The following SYCP2 variants were observed in gnomAD, a reference collection of about 807,000 sequenced individuals.
SYCP2 encodes the protein synaptonemal complex lateral element protein.
Under a neutral mutation model 211.3 loss-of-function variants are expected in SYCP2, and 55 were observed. That is an observed-to-expected ratio of 0.26 (90% confidence interval 0.21 to 0.33). The LOEUF (loss-of-function observed/expected upper bound fraction) is 0.33, where lower values mean the gene tolerates loss of function less well. SYCP2 is among the 10% of genes least tolerant of loss of function. The pLI is 1.00. For synonymous variants in SYCP2, 570 were observed against 555.2 expected (o/e 1.03, Z -0.37); for missense variants, 1,731 against 1,752.0 (o/e 0.99, Z 0.21).
chr20:59,922,459 C>T lies in SYCP2; in HGVS notation c.-46G>A. 7.3e-7 allele frequency: 1 copy of T among 1,367,510 alleles called. No homozygotes were observed. The highest frequency in any genetic ancestry group is 1.0e-6 in the Non-Finnish European group (1 of 992,294). 84.7% of individuals were successfully genotyped at this position (1,367,510 alleles called of 1,614,324 possible). On this transcript the variant is annotated splice_region_variant and 5_prime_UTR_variant, in exon 3 of 45. In the 5' UTR this introduces an upstream ATG that the reference lacks. Coordinates refer to ENST00000357552, the MANE Select transcript of SYCP2 (RefSeq NM_014258.4). Reference sequence around the variant, plus strand: ...AAAAAAAAGCAAGACAAAATAAACACCTATAAAAGAAAACATATATTTTCT... The same window carrying T: ...AAAAAAAAGCAAGACAAAATAAACATCTATAAAAGAAAACATATATTTTCT...
Position 59,868,472 on chromosome 20 carries a change from G to T in SYCP2, c.3929C>A (p.Ala1310Glu). 6.2e-7 allele frequency: 1 copy of T among 1,611,254 alleles called. No homozygotes were observed. Among genetic ancestry groups the T allele is most frequent in the South Asian group, 1.1e-5 (1 of 90,940 alleles). The change falls in exon 38 of 45, where the codon GCA becomes GAA. Residue 1310 changes from alanine (A) to glutamate (E), a missense_variant. By Grantham distance (107) the Ala-to-Glu change is moderately radical (BLOSUM62 -1). Around this residue, in one of 3 missense-constraint regions of SYCP2, gnomAD observed 1,387 missense variants for 1,351.3 expected, o/e 1.03. Transcript: ENST00000357552. ...ACACAGTTTTTTGGGAAGCAAGTTT[G>T]CTCTCCTTTCTCCTTTCTCTTCCAT... is the stretch of plus-strand genomic sequence containing the variant. Reference protein sequence around the residue: ...VEMEEKGERRANLLPKKLCKI... With the variant: ...VEMEEKGERRENLLPKKLCKI...
At chr20:59,880,934 T>C in intron 30 of SYCP2, 32 bp downstream of exon 30, 1 of 1,000,090 alleles carries the variant, frequency 1.0e-6, no homozygotes, top group South Asian at 1.8e-5. Context: ...AAATACTACT[T>C]CTAATAGACA....
intron 31 of SYCP2, among the ~76,000 whole-genome samples, chr20:59,879,846 TATATATATATATATATAC>T (rs1423443928): frequency 0.012 from 1,414 of 115,032 alleles, 12 homozygotes; most frequent in East Asian, 0.026. Context: ...TATATATATA[TATATATATATATATATAC>T]ACACACACAC....
Position 59,921,162 on chromosome 20 carries a change from T to C in SYCP2, c.168+148A>G, listed in dbSNP as rs928911276. ...GATTCCTCAAACAAACAAACAATAA[T>C]AAGCAAATGGTGAAATAAGCATTTA... is the stretch of plus-strand genomic sequence containing the variant. On this transcript the variant is annotated intron_variant, in intron 4 of 44. Transcript: ENST00000357552. 7 of 558,562 alleles carry C rather than the reference T, an allele frequency of 1.3e-5. No homozygotes were observed. In the African/African-American group the frequency reaches 1.4e-4, roughly 11 times the overall value. 34.6% of individuals were successfully genotyped at this position (558,562 alleles called of 1,614,324 possible).
rs78182350 is a variant in SYCP2 at position 59,919,590 on chromosome 20, G to A, written c.305C>T (p.Ala102Val). 3,838 of 1,598,012 alleles carry A rather than the reference G, an allele frequency of 2.4e-3. 65 individuals are homozygous for A. In the African/African-American group the frequency reaches 0.042, roughly 18 times the overall value. Reference sequence around the variant, plus strand: ...AATGTCCTTGGATTTTTCAAACCAGGCAACCATGTAAAAAAAGGAATGAAC... The same window carrying A: ...AATGTCCTTGGATTTTTCAAACCAGACAACCATGTAAAAAAAGGAATGAAC... Reference protein sequence around the residue: ...IKQGLIQKMVAWFEKSKDIIQ... With the variant: ...IKQGLIQKMVVWFEKSKDIIQ... Residue 102 changes from alanine (A) to valine (V), a missense_variant, in exon 6 of 45, where the codon GCC becomes GTC. Physicochemically the swap from Ala to Val is moderately conservative, Grantham distance 64. This residue lies in a region of SYCP2 where 335 missense variants were observed against 378.8 expected (regional missense o/e 0.88). Coordinates refer to ENST00000357552, the MANE Select transcript of SYCP2 (RefSeq NM_014258.4).
intron 10 of SYCP2, 37 bp from the exon 11 acceptor site, chr20:59,914,288 T>A: frequency 7.5e-7 from 1 of 1,325,398 alleles, no homozygotes; most frequent in Non-Finnish European, 1.0e-6. Context: ...TTTACAATTA[T>A]GAAAATTAAG....
chr20:59,871,899 G>A (rs567867926), intron 35 of SYCP2, among the ~76,000 whole-genome samples: 2 of 152,118 alleles, frequency 1.3e-5, no homozygotes, highest in South Asian at 4.1e-4. Context: ...ATCCACAGAT[G>A]TGGAACCCAC....
At chr20:59,927,577 GAAGA>G (rs2060657044) in intron 2 of SYCP2, among the ~76,000 whole-genome samples, 1 of 152,108 alleles carries the variant, frequency 6.6e-6, no homozygotes, top group African/African-American at 2.4e-5. Context: ...ATGGCCTCAT[GAAGA>G]AAGGAAAAGA....
chr20:59,864,363 C>A lies in SYCP2; in HGVS notation c.4541G>T (p.Arg1514Leu). The A allele has an allele frequency of 6.2e-7, 1 of 1,603,294 alleles. No homozygotes were observed. ...DMLEEELLNV[R>L]RELMSVFMSH... Reference sequence around the variant, plus strand: ...CATGAATACTGACATCAGTTCTCTGCGTACATTAAGAAGCTCCTCTTCTAG... The same window carrying A: ...CATGAATACTGACATCAGTTCTCTGAGTACATTAAGAAGCTCCTCTTCTAG... The change falls in exon 45 of 45, where the codon CGC becomes CTC. Residue 1514 changes from arginine (R) to leucine (L), a missense_variant. Arg to Leu is a moderately radical substitution (Grantham distance 102). This residue lies in a region of SYCP2 where 1,387 missense variants were observed against 1,351.3 expected (regional missense o/e 1.03). Coordinates refer to ENST00000357552, the MANE Select transcript of SYCP2 (RefSeq NM_014258.4).
chr20:59,873,880 T>G lies in SYCP2; in HGVS notation c.3531A>C (p.Ser1177=). 1 of 1,611,856 alleles carries G rather than the reference T, an allele frequency of 6.2e-7. No individual in the cohort carries two copies. The highest frequency in any genetic ancestry group is 1.1e-5 in the South Asian group (1 of 90,620). The change falls in exon 35 of 45, where the codon TCA becomes TCC. Residue 1177 remains serine (S), a synonymous_variant. Coordinates refer to ENST00000357552, the MANE Select transcript of SYCP2 (RefSeq NM_014258.4). ...CCAAAAACAGTGGTCGTGGAATTGG[T>G]GAACAACTTTCACTTGCACACAGGA... ...KNFLCASESC[S]PIPRPLFLPR... is the part of the protein sequence containing the mutation.
At chr20:59,893,708 G>T in intron 20 of SYCP2, 115 bp from the exon 21 acceptor site, 1 of 631,310 alleles carries the variant, frequency 1.6e-6, no homozygotes, top group Non-Finnish European at 2.6e-6. Flanking sequence ...TGAAAAGTTG[G>T]ATACTATTTT....
At chr20:59,933,012 G>C (rs1049009645) in intron 1 of SYCP2, among the ~76,000 whole-genome samples, 4 of 151,878 alleles carry the variant, frequency 2.6e-5, no homozygotes, top group African/African-American at 7.3e-5. Context: ...CTTTTCCCAG[G>C]GTCACCCCCG....
At chr20:59,868,382 G>A in intron 38 of SYCP2, 31 bp downstream of exon 38, 2 of 1,585,116 alleles carry the variant, frequency 1.3e-6, no homozygotes, top group Non-Finnish European at 1.7e-6. Flanking sequence ...CCAAATAACT[G>A]CATTTTGATA....
chr20:59,901,817 A>G lies in SYCP2; in HGVS notation c.1034-7T>C. On this transcript the variant is annotated splice_polypyrimidine_tract_variant and splice_region_variant and intron_variant, in intron 15 of 44. Coordinates refer to ENST00000357552, the MANE Select transcript of SYCP2 (RefSeq NM_014258.4). ...AGCTTCTTTGATTCTCTCACTGTATAGAAACAACACTGATTAGTTTACGTT... is the reference window on the plus strand; with the variant it reads ...AGCTTCTTTGATTCTCTCACTGTATGGAAACAACACTGATTAGTTTACGTT... 1 of 1,582,762 alleles carries G rather than the reference A, an allele frequency of 6.3e-7. No individual in the cohort carries two copies. The highest frequency in any genetic ancestry group is 2.3e-5 in the East Asian group (1 of 44,226).
intron 16 of SYCP2, 56 bp downstream of exon 16, chr20:59,901,606 C>CA: frequency 9.0e-7 from 1 of 1,108,570 alleles, no homozygotes; most frequent in Non-Finnish European, 1.3e-6. Context: ...CTTATAACGC[C>CA]AAACTGTTTC....
intron 16 of SYCP2, 85 bp from the exon 17 acceptor site, chr20:59,900,903 A>G: frequency 9.6e-7 from 1 of 1,036,620 alleles, no homozygotes; most frequent in Non-Finnish European, 1.4e-6. Context: ...CATTTAATGT[A>G]ATTATTTCCT....
intron 24 of SYCP2, among the ~76,000 whole-genome samples, chr20:59,889,337 AG>A: frequency 6.6e-6 from 1 of 152,054 alleles, no homozygotes; most frequent in Non-Finnish European, 1.5e-5. Flanking sequence ...TGGGTATACG[AG>A]GAGTCTGTAT....
At chr20:59,896,666 A>G (rs528080354) in intron 18 of SYCP2, 138 bp from the exon 19 acceptor site, 2 of 553,444 alleles carry the variant, frequency 3.6e-6, no homozygotes, top group South Asian at 2.5e-5. Context: ...ATATTCATAA[A>G]TTTCCATGTT....
intron 31 of SYCP2, 70 bp from the exon 32 acceptor site, chr20:59,878,115 C>A: frequency 1.0e-6 from 1 of 982,436 alleles, no homozygotes; most frequent in Non-Finnish European, 1.6e-6. Flanking sequence ...ATTAGAACAT[C>A]ATTTCAGCAT....
Sources: gnomAD v4.1 joint callset for allele counts (sites outside exome capture counted in the v4.1 genomes callset) on GRCh38, gnomAD v4.1.1 for gene constraint, gnomAD v4.1.1 regional missense constraint, MANE v1.5 for transcripts, NCBI Gene and HGNC (gene_info 2026-07-23, HGNC 2026-07-21) for gene names.